The following TBC1D1 variants were observed in gnomAD, a reference collection of about 807,000 sequenced individuals.
TBC1D1 encodes TBC1 (tre-2/USP6, BUB2, cdc16) domain family, member 1.
TBC1D1 carries 89 observed loss-of-function variants against 125.6 expected under a neutral mutation model. That is an observed-to-expected ratio of 0.71 (90% CI 0.60 to 0.85). TBC1D1 has a LOEUF of 0.85. TBC1D1 is among the 40% of genes least tolerant of loss of function. The pLI is 0.00. For synonymous variants in TBC1D1, 565 were observed against 564.1 expected (o/e 1.00, Z -0.02); for missense variants, 1,377 against 1,469.2 (o/e 0.94, Z 1.03).
At chr4:38,103,198 C>A in intron 15 of TBC1D1, 41 bp downstream of exon 17, 1 of 1,572,300 alleles carries the variant, frequency 6.4e-7, no homozygotes, top group Non-Finnish European at 8.6e-7. Context: ...ATGGAAGTTT[C>A]ACTCACATGA....
At position 38,123,542 on chromosome 4, in the gene TBC1D1, A is replaced by G. The variant is rs916511676; in HGVS notation, c.2963-1420A>G. ...ACTTACCCTGAAAAGCTCTGATTTC[A>G]AAGACACAGTTAGTTCTCTAGTATA... On this transcript the variant is annotated intron_variant, in intron 17 of 19. Transcript: ENST00000261439. Among the ~76,000 whole-genome samples, 7 of 152,346 alleles carry G rather than the reference A, an allele frequency of 4.6e-5. No homozygotes were observed. In the Middle Eastern group the frequency reaches 0.01, roughly 222 times the overall value.
rs566567856 is a variant in TBC1D1, at chr4:37,948,791, T to C, written c.417+46279T>C. 3.6e-4 allele frequency among the ~76,000 whole-genome samples: 55 copies of C among 152,320 alleles called. 1 individual carries two copies. In the South Asian group the frequency reaches 0.011, roughly 30 times the overall value. ...ACCCCCCGTCTTCCTCCCTTACTTC[T>C]TCAGCCGTAACCACAGATCTACTTT... On this transcript the variant is annotated intron_variant, in intron 2 of 19. Coordinates refer to ENST00000261439, the MANE Select transcript of TBC1D1 (RefSeq NM_015173.4).
At chr4:37,985,707 G>A (rs1735300906) in intron 2 of TBC1D1, among the ~76,000 whole-genome samples, 2 of 152,294 alleles carry the variant, frequency 1.3e-5, no homozygotes, top group South Asian at 4.1e-4. Flanking sequence ...TAAGTTAATG[G>A]CATGTGTGGT....
chr4:38,070,502 A>T (rs1754525833), intron 12 of TBC1D1, among the ~76,000 whole-genome samples: 2 of 152,216 alleles, frequency 1.3e-5, no homozygotes, highest in African/African-American at 4.8e-5. Flanking sequence ...AACACTTGGG[A>T]TTCATATCTA....
At chr4:37,923,678 ATT>A (rs35795968) in intron 2 of TBC1D1, among the ~76,000 whole-genome samples, 10,603 of 116,154 alleles carry the variant, frequency 0.091, 314 homozygotes, top group Non-Finnish European at 0.11. Flanking sequence ...CCCCCACCCC[ATT>A]TTTTTTTTTT....
intron 12 of TBC1D1, among the ~76,000 whole-genome samples, chr4:38,073,326 T>C (rs1755026702): frequency 6.6e-6 from 1 of 152,262 alleles, no homozygotes; most frequent in Non-Finnish European, 1.5e-5. Context: ...TGGATTACAC[T>C]TGATTTTCTG....
At chr4:38,102,319 C>T in intron 14 of TBC1D1, among the ~76,000 whole-genome samples, 2 of 152,084 alleles carry the variant, frequency 1.3e-5, no homozygotes, top group African/African-American at 4.8e-5. Flanking sequence ...TCTCTGCTTT[C>T]TGAGATCACA....
intron 7 of TBC1D1, among the ~76,000 whole-genome samples, chr4:38,029,687 G>A (rs1267411301): frequency 6.6e-6 from 1 of 152,146 alleles, no homozygotes; most frequent in Non-Finnish European, 1.5e-5. Flanking sequence ...TTTTAATCAC[G>A]TTAGAGGTCT....
At position 38,071,812 on chromosome 4, in the gene TBC1D1, A is replaced by T. The variant is rs139385990; in HGVS notation, c.2050+17474A>T. 1.8e-3 allele frequency among the ~76,000 whole-genome samples: 273 copies of T among 152,360 alleles called. 2 individuals carry two copies. Among genetic ancestry groups the T allele is most frequent in the Middle Eastern group, 3.4e-3 (1 of 294 alleles). On this transcript the variant is annotated intron_variant, in intron 12 of 19. Transcript: ENST00000261439. The stretch of plus-strand genomic sequence containing the variant: ...TTCTACTTGGTATTATTGATAGATT[A>T]TTTGGAGCCTTTTATGTTAGAAAAG...
At chr4:38,109,190 G>A (rs932829602) in intron 15 of TBC1D1, among the ~76,000 whole-genome samples, 10 of 152,218 alleles carry the variant, frequency 6.6e-5, no homozygotes, top group East Asian at 5.8e-4. Flanking sequence ...AGTTGGGGAC[G>A]TTGCTGTATG....
intron 6 of TBC1D1, among the ~76,000 whole-genome samples, chr4:38,026,164 G>C (rs1043145185): frequency 5.9e-5 from 9 of 152,140 alleles, no homozygotes; most frequent in African/African-American, 1.9e-4. Context: ...TGGCATAGTA[G>C]CAGTCACTTA....
chr4:38,090,183 G>A, intron 13 of TBC1D1, 66 bp downstream of exon 15: 1 of 1,482,606 alleles, frequency 6.7e-7, no homozygotes, highest in South Asian at 1.2e-5. Flanking sequence ...AATCACATCA[G>A]ACATAAGCAT....
intron 2 of TBC1D1, among the ~76,000 whole-genome samples, chr4:37,932,109 T>C (rs1723388116): frequency 1.3e-5 from 2 of 152,204 alleles, no homozygotes; most frequent in African/African-American, 4.8e-5. Context: ...TTTGCCAGAA[T>C]AAACAGTCTG....
chr4:38,129,344 G>GT (rs1344717423), intron 18 of TBC1D1, among the ~76,000 whole-genome samples: 2 of 152,216 alleles, frequency 1.3e-5, no homozygotes, highest in African/African-American at 2.4e-5. Flanking sequence ...AAAAGGAGTA[G>GT]TTTTGTACGA....
chr4:37,916,842 C>A (rs1429181575), intron 2 of TBC1D1, among the ~76,000 whole-genome samples: 4 of 152,136 alleles, frequency 2.6e-5, no homozygotes, highest in African/African-American at 9.7e-5. Context: ...ATGATCTCTG[C>A]ACACTGCAAC....
chr4:38,075,352 C>T (rs1019720825), intron 12 of TBC1D1, among the ~76,000 whole-genome samples: 2 of 152,136 alleles, frequency 1.3e-5, no homozygotes, highest in South Asian at 4.1e-4. Flanking sequence ...CCGAGTTCCC[C>T]ACTTGCCTAA....
chr4:37,971,333 C>T (rs182126533), intron 2 of TBC1D1, among the ~76,000 whole-genome samples: 319 of 152,278 alleles, frequency 2.1e-3, no homozygotes, highest in African/African-American at 7.1e-3. Context: ...CACAATTCCA[C>T]GTGGCTGGGG....
chr4:37,990,617 G>A (rs947404717), intron 2 of TBC1D1, among the ~76,000 whole-genome samples: 1 of 152,186 alleles, frequency 6.6e-6, no homozygotes, highest in African/African-American at 2.4e-5. Flanking sequence ...GAATTTCCAG[G>A]TGAAGGGAAG....
At chr4:37,938,075 T>A (rs1724769208) in intron 2 of TBC1D1, among the ~76,000 whole-genome samples, 1 of 152,196 alleles carries the variant, frequency 6.6e-6, no homozygotes, top group Admixed American at 6.5e-5. Context: ...TAGAGAGTTC[T>A]GCTCTTCTTA....
Sources: gnomAD v4.1 joint callset for allele counts (sites outside exome capture counted in the v4.1 genomes callset) on GRCh38, gnomAD v4.1.1 for gene constraint, MANE v1.5 for transcripts, NCBI Gene and HGNC (gene_info 2026-07-23, HGNC 2026-07-21) for gene names.